Variants in REDIC1 observed in about 807,000 individuals in gnomAD.
REDIC1 encodes the protein regulator of DNA class I crossover intermediates 1.
chr12:39,837,635 A>C, the REDIC1 span, among the ~76,000 whole-genome samples: 1 of 150,172 alleles, frequency 6.7e-6, no homozygotes, highest in Non-Finnish European at 1.5e-5. Context: ...AACTCCAACA[A>C]ATTTACAAGA....
chr12:39,640,058 GT>G, the REDIC1 span, among the ~76,000 whole-genome samples: 718 of 138,322 alleles, frequency 5.2e-3, no homozygotes, highest in African/African-American at 8.3e-3. Context: ...GAACTACTAG[GT>G]TTTTTTTTTT....
the REDIC1 span, among the ~76,000 whole-genome samples, chr12:39,661,205 A>G: frequency 6.6e-6 from 1 of 152,000 alleles, no homozygotes; most frequent in Non-Finnish European, 1.5e-5. Flanking sequence ...CTGCCATTCT[A>G]CTTTTAGTTT....
chr12:39,692,190 G>T, the REDIC1 span: 1 of 1,257,628 alleles, frequency 8.0e-7, no homozygotes, highest in East Asian at 3.0e-5. Flanking sequence ...AATTTGAAGT[G>T]ATTTTTTAGA....
the REDIC1 span, among the ~76,000 whole-genome samples, chr12:39,735,338 G>A: frequency 6.6e-6 from 1 of 152,132 alleles, no homozygotes; most frequent in Non-Finnish European, 1.5e-5. Context: ...GAAGAATGGG[G>A]ATATTTATTA....
chr12:39,891,862 A>C, the REDIC1 span, among the ~76,000 whole-genome samples: 6 of 152,288 alleles, frequency 3.9e-5, no homozygotes, highest in Non-Finnish European at 5.9e-5. Context: ...TGAAATAACA[A>C]TTTTTTAAAG....
the REDIC1 span, chr12:39,835,773 A>C: frequency 1.3e-5 from 2 of 152,128 alleles, no homozygotes; most frequent in East Asian, 3.9e-4. Context: ...CAGCTCTAGA[A>C]ATCAAGGCAT....
At chr12:39,626,208 G>A in the REDIC1 span, 1 of 957,310 alleles carries the variant, frequency 1.0e-6, no homozygotes, top group Non-Finnish European at 1.6e-6. Flanking sequence ...CGGTGGACCA[G>A]AAGGAGCTTA....
chr12:39,777,069 AATTCCTTTTGGAATCAT>A, the REDIC1 span, among the ~76,000 whole-genome samples: 1 of 152,190 alleles, frequency 6.6e-6, no homozygotes, highest in Non-Finnish European at 1.5e-5. Flanking sequence ...TATTTTCTGG[AATTCCTTTTGGAATCAT>A]ATTCGGAATC....
chr12:39,784,520 A>C, the REDIC1 span, among the ~76,000 whole-genome samples: 2 of 152,244 alleles, frequency 1.3e-5, no homozygotes, highest in African/African-American at 4.8e-5. Flanking sequence ...CTCGCTAGCC[A>C]TATGTAGAAA....
chr12:39,830,365 G>C, the REDIC1 span: 3 of 1,437,154 alleles, frequency 2.1e-6, no homozygotes, highest in Non-Finnish European at 2.7e-6. Flanking sequence ...TTTGGCCAAG[G>C]AAAGTGACAT....
chr12:39,826,455 GTT>G, the REDIC1 span, among the ~76,000 whole-genome samples: 2 of 137,418 alleles, frequency 1.5e-5, no homozygotes, highest in Admixed American at 7.3e-5. Context: ...ATTTTTCTGG[GTT>G]TTTTTTTTTG....
At chr12:39,702,206 A>G in the REDIC1 span, among the ~76,000 whole-genome samples, 1 of 152,200 alleles carries the variant, frequency 6.6e-6, no homozygotes, top group African/African-American at 2.4e-5. Context: ...CTAATAAAAA[A>G]AGAGAGAGGA....
At chr12:39,752,296 T>C in the REDIC1 span, among the ~76,000 whole-genome samples, 3 of 152,112 alleles carry the variant, frequency 2.0e-5, no homozygotes, top group Non-Finnish European at 4.4e-5. Flanking sequence ...TGGACTCTTA[T>C]GGGAGCACAA....
At chr12:39,733,624 G>T in the REDIC1 span, among the ~76,000 whole-genome samples, 88 of 152,292 alleles carry the variant, frequency 5.8e-4, no homozygotes, top group Non-Finnish European at 1.2e-3. Context: ...ATTTAGAGAG[G>T]CAGTCTGGCT....
the REDIC1 span, among the ~76,000 whole-genome samples, chr12:39,896,385 T>C: frequency 4.9e-5 from 6 of 123,236 alleles, no homozygotes; most frequent in Admixed American, 2.4e-4. Context: ...TATATGTATG[T>C]ATATGTGTAT....
the REDIC1 span, among the ~76,000 whole-genome samples, chr12:39,799,065 GTTT>G: frequency 5.4e-5 from 7 of 129,202 alleles, no homozygotes; most frequent in Admixed American, 7.8e-5. Flanking sequence ...TACTGTTCTG[GTTT>G]TTTTTTTTTT....
chr12:39,701,636 A>C, the REDIC1 span, among the ~76,000 whole-genome samples: 1 of 152,188 alleles, frequency 6.6e-6, no homozygotes, highest in South Asian at 2.1e-4. Flanking sequence ...CACAATATAC[A>C]TTTTTTTCAG....
At chr12:39,736,411 G>C in the REDIC1 span, among the ~76,000 whole-genome samples, 4 of 152,182 alleles carry the variant, frequency 2.6e-5, no homozygotes, top group African/African-American at 9.7e-5. Flanking sequence ...TATATTTTAT[G>C]AGCTGTATTT....
At chr12:39,849,848 TTC>T in the REDIC1 span, among the ~76,000 whole-genome samples, 1 of 152,164 alleles carries the variant, frequency 6.6e-6, no homozygotes, top group African/African-American at 2.4e-5. Context: ...GGCTACTCCC[TTC>T]TTTTTTTTCT....
Sources: gnomAD v4.1 joint callset for allele counts (sites outside exome capture counted in the v4.1 genomes callset) on GRCh38, gnomAD v4.1.1 for gene constraint, MANE v1.5 for transcripts, NCBI Gene and HGNC (gene_info 2026-07-23, HGNC 2026-07-21) for gene names.